The following ACSM2B variants were observed in gnomAD, a reference collection of about 807,000 sequenced individuals.
ACSM2B encodes acyl-coenzyme A synthetase ACSM2B, mitochondrial.
Under a neutral mutation model 78.6 loss-of-function variants are expected in ACSM2B, and 58 were observed. That is an observed-to-expected ratio of 0.74 (90% CI 0.60 to 0.92). The LOEUF (loss-of-function observed/expected upper bound fraction) is 0.92, where lower values mean the gene tolerates loss of function less well. Among genes scored for constraint, ACSM2B ranks in the 40% least tolerant of loss-of-function variants. ACSM2B has a pLI of 0.00. For missense variants in ACSM2B, 688 were observed against 711.2 expected (o/e 0.97, Z 0.37); for synonymous variants, 257 against 256.8 (o/e 1.00, Z -0.01).
chr16:20,567,390 A>G (rs2015939185), intron 1 of ACSM2B, among the ~76,000 whole-genome samples: 1 of 119,028 alleles, frequency 8.4e-6, no homozygotes, highest in African/African-American at 3.4e-5. Context: ...GTATAATATT[A>G]CATATACAAT....
chr16:20,546,576 T>G (rs2015149122), intron 8 of ACSM2B, 102 bp from the exon 9 acceptor site: 18 of 1,463,798 alleles, frequency 1.2e-5, no homozygotes, highest in Non-Finnish European at 1.5e-5. Flanking sequence ...TGTCCTGAAC[T>G]TGGCCTGCAC....
chr16:20,545,302 G>T (rs771685586), intron 9 of ACSM2B, 44 bp from the exon 10 acceptor site: 1 of 1,589,910 alleles, frequency 6.3e-7, no homozygotes, highest in African/African-American at 1.3e-5. Flanking sequence ...CACAGCAGGA[G>T]ATGGCTTCAA....
rs757094790 is a variant in ACSM2B, at chr16:20,540,792, C to T, written c.1510-19G>A. 1.2e-6 allele frequency: 2 copies of T among 1,612,488 alleles called. No individual in the cohort carries two copies. Among genetic ancestry groups the T allele is most frequent in the African/African-American group, 2.7e-5 (2 of 74,816 alleles). On this transcript the variant is annotated intron_variant, in intron 12 of 13. Coordinates refer to ENST00000329697, the MANE Select transcript of ACSM2B (RefSeq NM_001105069.2). ...TCACCACCTGCAAAATAGATGAAGG[C>T]CAAGAGATAAGGGATTAGAGTGTGT...
intron 4 of ACSM2B, among the ~76,000 whole-genome samples, chr16:20,554,944 G>A (rs1453864543): frequency 6.6e-6 from 1 of 152,222 alleles, no homozygotes; most frequent in Non-Finnish European, 1.5e-5. Context: ...CAGCCCAGAA[G>A]TGTGGAGGCA....
chr16:20,550,124 T>C (rs1237162486), intron 6 of ACSM2B, among the ~76,000 whole-genome samples: 1 of 152,186 alleles, frequency 6.6e-6, no homozygotes, highest in Non-Finnish European at 1.5e-5. Context: ...AAAAGAACCC[T>C]GGCTGAGGAG....
intron 10 of ACSM2B, among the ~76,000 whole-genome samples, chr16:20,544,147 T>G (rs1205970044): frequency 6.6e-6 from 1 of 152,174 alleles, no homozygotes; most frequent in Non-Finnish European, 1.5e-5. Flanking sequence ...CATTTGAGAA[T>G]ATAGTGGGAC....
chr16:20,537,691 T>C (rs1471563478), intron 13 of ACSM2B, among the ~76,000 whole-genome samples: 1 of 152,196 alleles, frequency 6.6e-6, no homozygotes, highest in Non-Finnish European at 1.5e-5. Context: ...TTTCGCCAGG[T>C]CCTTGGCTTT....
At chr16:20,547,485 G>GAA (rs2015175239) in intron 8 of ACSM2B, 1 of 975,028 alleles carries the variant, frequency 1.0e-6, no homozygotes, top group Non-Finnish European at 1.2e-6. Flanking sequence ...AAAAGGAGAA[G>GAA]AAGAGTTGGG....
chr16:20,545,946 C>A (rs1365384462), intron 9 of ACSM2B, among the ~76,000 whole-genome samples: 1 of 152,144 alleles, frequency 6.6e-6, no homozygotes, highest in Admixed American at 6.5e-5. Flanking sequence ...GGGACATCAT[C>A]CCTTGGTCCG....
intron 1 of ACSM2B, chr16:20,575,374 A>G (rs1036632628): frequency 1.3e-5 from 2 of 151,772 alleles, no homozygotes; most frequent in East Asian, 1.9e-4. Context: ...GTGTATATAT[A>G]TATACACAAC....
At chr16:20,552,755 C>G (rs1374274520) in intron 5 of ACSM2B, among the ~76,000 whole-genome samples, 5 of 152,194 alleles carry the variant, frequency 3.3e-5, no homozygotes, top group Non-Finnish European at 7.3e-5. Flanking sequence ...TGGTCTTGCA[C>G]TAAGTGAACT....
At chr16:20,552,692 A>G (rs1472734685) in intron 5 of ACSM2B, among the ~76,000 whole-genome samples, 1 of 152,206 alleles carries the variant, frequency 6.6e-6, no homozygotes, top group Non-Finnish European at 1.5e-5. Context: ...GTTTGGCTGA[A>G]TAGAACTTTG....
At chr16:20,563,342 C>A (rs539296111) in intron 2 of ACSM2B, among the ~76,000 whole-genome samples, 1 of 152,000 alleles carries the variant, frequency 6.6e-6, no homozygotes, top group African/African-American at 2.4e-5. Context: ...ATGAATTGCA[C>A]CTTTTTATTC....
At chr16:20,553,634 C>A (rs2015381946) in intron 5 of ACSM2B, 143 bp downstream of exon 5, 1 of 1,322,422 alleles carries the variant, frequency 7.6e-7, no homozygotes, top group Non-Finnish European at 1.0e-6. Flanking sequence ...CATGTGAAGC[C>A]ATGTCCTCTT....
chr16:20,549,135 A>G (rs908537656), intron 6 of ACSM2B, among the ~76,000 whole-genome samples: 2 of 152,162 alleles, frequency 1.3e-5, no homozygotes, highest in African/African-American at 4.8e-5. Flanking sequence ...AAGGTCACCT[A>G]GTCAGCAAGT....
At position 20,537,236 on chromosome 16, in the gene ACSM2B, A is replaced by C. The variant is rs1349302251; in HGVS notation, c.*22T>G. On this transcript the variant is annotated 3_prime_UTR_variant, in exon 14 of 14. Transcript: ENST00000329697. ...AGAAAGAGAAAGAAGAGGGGAATCC[A>C]AATGAATGTCTCCTAGACGCCTCAC... 1.2e-6 allele frequency: 2 copies of C among 1,612,754 alleles called. No individual in the cohort carries two copies. Among genetic ancestry groups the C allele is most frequent in the Admixed American group, 1.7e-5 (1 of 59,982 alleles).
At position 20,540,213 on chromosome 16, in the gene ACSM2B, GT is replaced by G. The variant is rs574914645; in HGVS notation, c.1629+440del. On this transcript the variant is annotated intron_variant, in intron 13 of 13. Coordinates refer to ENST00000329697, the MANE Select transcript of ACSM2B (RefSeq NM_001105069.2). ...GGCTTTCTTGAGCATAGGAAGAGTT[GT>G]TTTTTTTTTGTTTTTTTTTTTTGTT... Among the ~76,000 whole-genome samples the G allele has an allele frequency of 2.6e-3, 199 of 76,724 alleles. 2 individuals are homozygous for G. In the South Asian group the frequency reaches 0.047, roughly 18 times the overall value. 50.3% of individuals were successfully genotyped at this position (76,724 alleles called of 152,430 possible).
intron 3 of ACSM2B, among the ~76,000 whole-genome samples, chr16:20,555,995 T>A (rs561400680): frequency 2.4e-4 from 37 of 152,232 alleles, no homozygotes; most frequent in African/African-American, 8.7e-4. Context: ...TTGTATATAT[T>A]TATTGGGTAC....
intron 11 of ACSM2B, 44 bp downstream of exon 11, chr16:20,543,091 G>A (rs759263122): frequency 6.2e-7 from 1 of 1,613,490 alleles, no homozygotes; most frequent in African/African-American, 1.3e-5. Flanking sequence ...ACCAGCCAGA[G>A]TAAAGACCCA....
Sources: gnomAD v4.1 joint callset for allele counts (sites outside exome capture counted in the v4.1 genomes callset) on GRCh38, gnomAD v4.1.1 for gene constraint, MANE v1.5 for transcripts, NCBI Gene and HGNC (gene_info 2026-07-23, HGNC 2026-07-21) for gene names.